The following RANBP17 variants were observed in gnomAD, a reference collection of about 807,000 sequenced individuals.
RANBP17 encodes the protein ran-binding protein 17.
Under a neutral mutation model 141.2 loss-of-function variants are expected in RANBP17, and 158 were observed. That is an observed-to-expected ratio of 1.12 (90% CI 0.98 to 1.28). RANBP17 has a LOEUF of 1.28. RANBP17 is among the 50% of genes most tolerant of loss of function. The probability of loss-of-function intolerance (pLI) is 0.00; values close to 1 mark genes in which losing one functional copy is unlikely to be tolerated. For synonymous variants in RANBP17, 430 were observed against 450.0 expected, an observed-to-expected ratio of 0.96 and a Z score of 0.56; for missense variants, 1,438 against 1,290.7, an observed-to-expected ratio of 1.11 and a Z score of -1.75.
At chr5:170,913,508 T>C (rs1204981716) in intron 7 of RANBP17, among the ~76,000 whole-genome samples, 3 of 152,106 alleles carry the variant, frequency 2.0e-5, no homozygotes, top group Non-Finnish European at 2.9e-5. Flanking sequence ...ATTAGAAATG[T>C]GATGTAATTA....
At chr5:171,203,530 T>C (rs1001930045) in intron 19 of RANBP17, among the ~76,000 whole-genome samples, 1 of 152,176 alleles carries the variant, frequency 6.6e-6, no homozygotes, top group Non-Finnish European at 1.5e-5. Context: ...CATTATTATA[T>C]GCTTCCTCTG....
rs944785133 is a variant in RANBP17, at chr5:171,213,873, G to A, written c.2339+135G>A. Reference sequence around the variant, plus strand: ...CAGGAACCAAGACTTAAGATGATTAGTGAAAACAGAATTAGAGACATACGA... The same window carrying A: ...CAGGAACCAAGACTTAAGATGATTAATGAAAACAGAATTAGAGACATACGA... On this transcript the variant is annotated intron_variant, in intron 21 of 27. Coordinates refer to ENST00000523189, the MANE Select transcript of RANBP17 (RefSeq NM_022897.5). 8.6e-6 allele frequency: 6 copies of A among 697,068 alleles called. No individual in the cohort carries two copies. The African/African-American group carries it at 1.1e-4, about 12-fold the overall frequency. 43.2% of individuals were successfully genotyped at this position (697,068 alleles called of 1,614,324 possible). A position where few individuals can be genotyped will look rare whatever the true frequency, so the allele number is the denominator to read the frequency against.
intron 14 of RANBP17, among the ~76,000 whole-genome samples, chr5:171,061,634 A>G (rs577459513): frequency 2.0e-5 from 3 of 152,294 alleles, no homozygotes; most frequent in Non-Finnish European, 4.4e-5. Flanking sequence ...AAAAATGTAT[A>G]TTCTGTTGAT....
intron 14 of RANBP17, among the ~76,000 whole-genome samples, chr5:171,081,175 C>T (rs988944506): frequency 8.5e-5 from 13 of 152,134 alleles, no homozygotes; most frequent in African/African-American, 2.9e-4. Flanking sequence ...AGGACAGGCA[C>T]TCAATAGGTG....
intron 14 of RANBP17, among the ~76,000 whole-genome samples, chr5:171,111,499 A>G (rs1239397553): frequency 6.6e-6 from 1 of 151,996 alleles, no homozygotes; most frequent in Non-Finnish European, 1.5e-5. Flanking sequence ...TCCCCTTCCC[A>G]GACATCCTAG....
rs1017612501 is a variant in RANBP17, at chr5:171,278,786, T to C, written c.2943+12939T>C. 2.6e-5 allele frequency among the ~76,000 whole-genome samples: 4 copies of C among 152,166 alleles called. No homozygotes were observed. In the South Asian group the frequency reaches 8.3e-4, roughly 32 times the overall value. ...CTTGTCTGGGGGTGAAACTACCCCT[T>C]ATAGACTTAAGTTTTATCAGAGACC... On this transcript the variant is annotated intron_variant, in intron 25 of 27. Coordinates refer to ENST00000523189, the MANE Select transcript of RANBP17 (RefSeq NM_022897.5).
chr5:171,223,821 T>C (rs1377519972), intron 22 of RANBP17, among the ~76,000 whole-genome samples: 1 of 151,700 alleles, frequency 6.6e-6, no homozygotes, highest in Non-Finnish European at 1.5e-5. Flanking sequence ...GCATGGTATA[T>C]TAGAAAAAGC....
chr5:170,919,361 A>C, intron 10 of RANBP17, 80 bp from the exon 11 acceptor site: 1 of 957,906 alleles, frequency 1.0e-6, no homozygotes, highest in Non-Finnish European at 1.5e-6. Context: ...TTAAAAATGT[A>C]TGTTTAGTAA....
chr5:171,159,942 GA>G (rs1313192153), intron 14 of RANBP17, among the ~76,000 whole-genome samples: 1 of 124,820 alleles, frequency 8.0e-6, no homozygotes, highest in Admixed American at 8.0e-5. Context: ...AAAAAAAAAA[GA>G]AAAAAGAAGA....
chr5:170,924,573 CTGAG>C (rs910770205), intron 12 of RANBP17, 23 bp downstream of exon 12: 2 of 1,456,410 alleles, frequency 1.4e-6, no homozygotes, highest in African/African-American at 2.8e-5. Context: ...TATATGACTA[CTGAG>C]TATTATGTTG....
At chr5:170,970,313 G>T (rs1581269723) in intron 14 of RANBP17, among the ~76,000 whole-genome samples, 2 of 151,844 alleles carry the variant, frequency 1.3e-5, no homozygotes, top group African/African-American at 2.4e-5. Context: ...AACAATTAAT[G>T]CGTGCTTATT....
At chr5:171,184,106 A>G (rs1241237041) in intron 18 of RANBP17, among the ~76,000 whole-genome samples, 1 of 152,220 alleles carries the variant, frequency 6.6e-6, no homozygotes, top group Non-Finnish European at 1.5e-5. Flanking sequence ...TGACTGTACA[A>G]TCCAGCAATC....
chr5:171,028,261 A>G (rs371811814), intron 14 of RANBP17, among the ~76,000 whole-genome samples: 11 of 152,124 alleles, frequency 7.2e-5, no homozygotes, highest in East Asian at 5.8e-4. Flanking sequence ...TTTAAAATAT[A>G]GATTCTAATA....
chr5:171,066,107 C>T (rs976824053), intron 14 of RANBP17, among the ~76,000 whole-genome samples: 8 of 152,054 alleles, frequency 5.3e-5, no homozygotes, highest in East Asian at 1.9e-4. Flanking sequence ...AGTGATCTGC[C>T]CACCTCGGCC....
At chr5:171,185,117 C>T (rs1485670357) in intron 18 of RANBP17, among the ~76,000 whole-genome samples, 2 of 152,104 alleles carry the variant, frequency 1.3e-5, no homozygotes, top group African/African-American at 4.8e-5. Context: ...GAGTCGACAT[C>T]GTGCCACTGC....
At position 171,014,265 on chromosome 5, in the gene RANBP17, T is replaced by A. The variant is rs141627760; in HGVS notation, c.1710+45888T>A. Among the ~76,000 whole-genome samples, 526 of 152,124 alleles carry A rather than the reference T, an allele frequency of 3.5e-3. 5 individuals are homozygous for A. The highest frequency in any genetic ancestry group is 0.034 in the Middle Eastern group (10 of 294). On this transcript the variant is annotated intron_variant, in intron 14 of 27. Coordinates refer to ENST00000523189, the MANE Select transcript of RANBP17 (RefSeq NM_022897.5). ...CATATGATTCAGCCTTCTTTCTTTC[T>A]TTATCCTAGATGAAAATCTCTACCT...
At chr5:170,985,594 C>G (rs2127557198) in intron 14 of RANBP17, among the ~76,000 whole-genome samples, 1 of 152,258 alleles carries the variant, frequency 6.6e-6, no homozygotes, top group African/African-American at 2.4e-5. Context: ...CCTTGTATCT[C>G]TTTTGTTCAT....
At chr5:171,010,325 T>C (rs1466099685) in intron 14 of RANBP17, among the ~76,000 whole-genome samples, 1 of 152,180 alleles carries the variant, frequency 6.6e-6, no homozygotes, top group Non-Finnish European at 1.5e-5. Flanking sequence ...ATGGATCTTA[T>C]CCTATGATTA....
At chr5:171,102,520 C>T (rs896229905) in intron 14 of RANBP17, among the ~76,000 whole-genome samples, 3 of 152,000 alleles carry the variant, frequency 2.0e-5, no homozygotes, top group Non-Finnish European at 4.4e-5. Context: ...TTCTTAGCTT[C>T]CTTGCATTGG....
Sources: allele counts gnomAD v4.1 joint callset (sites outside exome capture counted in the v4.1 genomes callset), GRCh38; gene constraint gnomAD v4.1.1; transcripts MANE v1.5; gene names NCBI Gene and HGNC (gene_info 2026-07-23, HGNC 2026-07-21).